The following ELP6 variants were observed in gnomAD, a reference collection of about 807,000 sequenced individuals.
ELP6 encodes elongator complex protein 6.
Under a neutral mutation model 28.1 loss-of-function variants are expected in ELP6, and 23 were observed. The ratio of observed to expected loss-of-function variants is 0.82; its 90% CI spans 0.59 to 1.16. The LOEUF (loss-of-function observed/expected upper bound fraction) is 1.16, where lower values mean the gene tolerates loss of function less well. Among genes scored for constraint, ELP6 ranks in the 50% most tolerant of loss-of-function variants. The pLI is 0.00. For missense variants in ELP6, 313 were observed against 334.6 expected (o/e 0.94, Z 0.50); for synonymous variants, 132 against 135.8 (o/e 0.97, Z 0.19).
intron 5 of ELP6, among the ~76,000 whole-genome samples, chr3:47,500,939 G>A (rs960168026): frequency 1.3e-5 from 2 of 152,182 alleles, no homozygotes; most frequent in African/African-American, 4.8e-5. Context: ...ACACTGACAA[G>A]TGGCTACTGT....
Position 47,495,928 on chromosome 3 carries a change from C to G in ELP6, c.*141G>C. On this transcript the variant is annotated 3_prime_UTR_variant, in exon 7 of 7. Coordinates refer to ENST00000296149, the MANE Select transcript of ELP6 (RefSeq NM_001031703.3). ...CAGCCAAGGCATGCCATCACTGCAG[C>G]ACTCAACCCTCTGGTCACAGTGGAG... 2.8e-6 allele frequency: 4 copies of G among 1,437,430 alleles called. No individual in the cohort carries two copies. The highest frequency in any genetic ancestry group is 3.8e-6 in the Non-Finnish European group (4 of 1,061,080). 89.0% of individuals were successfully genotyped at this position (1,437,430 alleles called of 1,614,324 possible). A position where few individuals can be genotyped will look rare whatever the true frequency, so the allele number is the denominator to read the frequency against.
chr3:47,510,170 T>G lies in ELP6; in HGVS notation c.204+14A>C. ...TCACTCAGGGACCTCATCATGGAGC[T>G]CCAAAATATTTACCAGCTTCTGTCC... On this transcript the variant is annotated intron_variant, in intron 3 of 6. Coordinates refer to ENST00000296149, the MANE Select transcript of ELP6 (RefSeq NM_001031703.3). 1 of 1,608,682 alleles carries G rather than the reference T, an allele frequency of 6.2e-7. No individual in the cohort carries two copies. Among genetic ancestry groups the G allele is most frequent in the African/African-American group, 1.3e-5 (1 of 74,932 alleles).
intron 3 of ELP6, among the ~76,000 whole-genome samples, chr3:47,509,447 A>T (rs1708947786): frequency 1.3e-5 from 2 of 152,218 alleles, no homozygotes; most frequent in African/African-American, 2.4e-5. Flanking sequence ...TGGCCATCTT[A>T]TTCTTGCCTG....
intron 6 of ELP6, chr3:47,496,667 G>A (rs1708489709): frequency 2.9e-6 from 2 of 684,146 alleles, no homozygotes; most frequent in Non-Finnish European, 3.6e-6. Flanking sequence ...GGCAATTTTT[G>A]TATTTTTAGT....
chr3:47,496,491 TTA>T (rs1708483914), intron 6 of ELP6: 1 of 982,692 alleles, frequency 1.0e-6, no homozygotes. Flanking sequence ...TAAAGTATTT[TTA>T]TGTTTTTTTT....
At position 47,504,411 on chromosome 3, in the gene ELP6, A is replaced by G. The variant is rs868201868; in HGVS notation, c.242T>C (p.Leu81Pro). 1.2e-6 allele frequency: 2 copies of G among 1,609,216 alleles called. No homozygotes were observed. The highest frequency in any genetic ancestry group is 3.3e-4 in the Middle Eastern group (2 of 6,032). The change falls in exon 4 of 7, where the codon CTT becomes CCT. Residue 81 changes from leucine to proline, a missense_variant. Physicochemically the swap from Leu to Pro is moderately conservative, Grantham distance 98. Coordinates refer to ENST00000296149, the MANE Select transcript of ELP6 (RefSeq NM_001031703.3). ...AGACTTGAGTCCCTCAAGGAACACA[A>G]GCTGCCCACGCTCCCGCGCCATGGT... ...SLTMARERGQ[L>P]VFLEGLKSAV...
In ELP6 at chr3:47,496,007, T is replaced by C. The variant is rs1708468708; in HGVS notation, c.*62A>G. ...AGAGGAGAAAGACCCATTCTTGCTA[T>C]GTTGCTCTATCTTCCACGTCCAAAA... On this transcript the variant is annotated 3_prime_UTR_variant, in exon 7 of 7. Transcript: ENST00000296149. 2 of 1,610,498 alleles carry C rather than the reference T, an allele frequency of 1.2e-6. No individual in the cohort carries two copies. Among genetic ancestry groups the C allele is most frequent in the Non-Finnish European group, 1.7e-6 (2 of 1,178,788 alleles).
intron 1 of ELP6, chr3:47,511,694 A>G: frequency 1.5e-6 from 1 of 662,094 alleles, no homozygotes; most frequent in Non-Finnish European, 1.9e-6. Context: ...GAAGGGAGGA[A>G]GAAGCAGTTG....
chr3:47,507,875 C>T (rs1708888649), intron 3 of ELP6, among the ~76,000 whole-genome samples: 1 of 152,182 alleles, frequency 6.6e-6, no homozygotes, highest in African/African-American at 2.4e-5. Flanking sequence ...AGCTCACGCT[C>T]CAGTACTTCA....
At chr3:47,496,334 G>A in intron 6 of ELP6, 137 bp from the exon 7 acceptor site, 2 of 1,421,108 alleles carry the variant, frequency 1.4e-6, no homozygotes, top group Non-Finnish European at 1.8e-6. Context: ...TGGTAATGGG[G>A]CCAACTTGTA....
chr3:47,500,313 G>T, intron 5 of ELP6: 1 of 888,338 alleles, frequency 1.1e-6, no homozygotes, highest in Non-Finnish European at 1.4e-6. Context: ...ACTTTGAGAG[G>T]CCGAGGCAGT....
Position 47,511,133 on chromosome 3 carries a change from C to T in ELP6, c.133+15G>A. On this transcript the variant is annotated intron_variant, in intron 2 of 6. Coordinates refer to ENST00000296149, the MANE Select transcript of ELP6 (RefSeq NM_001031703.3). ...ATCTTGGGTTTCTTTTCTACAGCATCAATGAGTCCCATACCTTTGAGATAG... is the reference window on the plus strand; with the variant it reads ...ATCTTGGGTTTCTTTTCTACAGCATTAATGAGTCCCATACCTTTGAGATAG... The T allele has an allele frequency of 6.2e-7, 1 of 1,609,094 alleles. No individual in the cohort carries two copies. Among genetic ancestry groups the T allele is most frequent in the Non-Finnish European group, 8.5e-7 (1 of 1,176,366 alleles).
At chr3:47,502,047 A>G (rs1708677861) in intron 4 of ELP6, among the ~76,000 whole-genome samples, 196 bp from the exon 5 acceptor site, 1 of 152,148 alleles carries the variant, frequency 6.6e-6, no homozygotes, top group Admixed American at 6.6e-5. Context: ...CCTGAGGCCT[A>G]CTAGGTATAA....
intron 4 of ELP6, chr3:47,502,671 CA>C (rs1441193067): frequency 1.9e-4 from 109 of 562,208 alleles, no homozygotes; most frequent in Non-Finnish European, 2.3e-4. Context: ...TATACCTCTA[CA>C]AAAAAAAATT....
In ELP6 at chr3:47,513,352, G is replaced by A. The variant is rs2029952547; in HGVS notation, c.54+185C>T. On this transcript the variant is annotated intron_variant, in intron 1 of 6. Transcript: ENST00000296149. Reference sequence around the variant, plus strand: ...TGAGAATATGCGAGATGGCCCAGAAGCCCACTTTCGGCGGGCCCAAGCCTC... The same window carrying A: ...TGAGAATATGCGAGATGGCCCAGAAACCCACTTTCGGCGGGCCCAAGCCTC... 3.6e-6 allele frequency: 5 copies of A among 1,407,334 alleles called. No individual in the cohort carries two copies. In the South Asian group the frequency reaches 7.9e-5, roughly 22 times the overall value. 87.2% of individuals were successfully genotyped at this position (1,407,334 alleles called of 1,614,324 possible).
rs773930447 is a variant in ELP6 at position 47,496,153 on chromosome 3, C to T, written c.717G>A (p.Arg239=). The part of the protein sequence containing the change: ...WRRPSQPAVH[R]DQSFTYQYKI... ...TATACTGGTAAGTGAAGCTCTGATC[C>T]CGGTGGACTGCGGGCTGCGATGGTC... Residue 239 remains arginine, a synonymous_variant, in exon 7 of 7, where the codon CGG becomes CGA. Transcript: ENST00000296149. 23 of 1,613,946 alleles carry T rather than the reference C, an allele frequency of 1.4e-5. No individual in the cohort carries two copies. Among genetic ancestry groups the T allele is most frequent in the Non-Finnish European group, 1.5e-5 (18 of 1,180,012 alleles).
chr3:47,510,314 T>C, intron 2 of ELP6, 60 bp from the exon 3 acceptor site: 1 of 1,452,498 alleles, frequency 6.9e-7, no homozygotes, highest in Non-Finnish European at 9.5e-7. Context: ...CTCACTGATT[T>C]CATACCTCTG....
At chr3:47,497,209 G>A (rs949223071) in intron 6 of ELP6, 14 of 985,290 alleles carry the variant, frequency 1.4e-5, no homozygotes, top group Non-Finnish European at 1.7e-5. Context: ...CCCATTTAGA[G>A]GGGTAGAATC....
chr3:47,506,534 G>A (rs907923506), intron 3 of ELP6, among the ~76,000 whole-genome samples: 6 of 152,170 alleles, frequency 3.9e-5, no homozygotes, highest in Admixed American at 1.3e-4. Flanking sequence ...GATGTTCCTT[G>A]CTGAGAAAAA....
Sources: gnomAD v4.1 joint callset for allele counts (sites outside exome capture counted in the v4.1 genomes callset) on GRCh38, gnomAD v4.1.1 for gene constraint, MANE v1.5 for transcripts, NCBI Gene and HGNC (gene_info 2026-07-23, HGNC 2026-07-21) for gene names.